CSMD1: variants seen among roughly 807,000 people sequenced by gnomAD.
The protein encoded by CSMD1 is CUB and sushi domain-containing protein 1.
CSMD1 carries 213 observed loss-of-function variants against 417.5 expected under a neutral mutation model. That is an observed-to-expected ratio of 0.51 (90% CI 0.46 to 0.57). CSMD1 has a LOEUF of 0.57. Ranked by LOEUF, CSMD1 falls within the 20% of genes least tolerant of loss-of-function variation. The pLI is 0.00. For synonymous variants in CSMD1, 2,862 were observed against 1,736.8 expected (o/e 1.65, Z -16.11); for missense variants, 6,923 against 4,529.7 (o/e 1.53, Z -15.17).
At chr8:3,597,091 G>A (rs1403384348) in intron 8 of CSMD1, among the ~76,000 whole-genome samples, 1 of 152,158 alleles carries the variant, frequency 6.6e-6, no homozygotes, top group Non-Finnish European at 1.5e-5. Context: ...CCAAACGCTG[G>A]CTGCACTGAG....
intron 6 of CSMD1, among the ~76,000 whole-genome samples, chr8:3,715,646 G>T (rs1333611314): frequency 6.6e-6 from 1 of 152,170 alleles, no homozygotes; most frequent in East Asian, 1.9e-4. Context: ...GGGTTCAAGT[G>T]ATTCTCCTGC....
At chr8:4,290,052 C>A (rs1382968070) in intron 3 of CSMD1, among the ~76,000 whole-genome samples, 2 of 152,170 alleles carry the variant, frequency 1.3e-5, no homozygotes, top group Admixed American at 6.5e-5. Context: ...CCAGAACCAA[C>A]AACTGCAAAT....
At chr8:3,718,713 A>T (rs1461225981) in intron 6 of CSMD1, among the ~76,000 whole-genome samples, 1 of 152,208 alleles carries the variant, frequency 6.6e-6, no homozygotes, top group East Asian at 1.9e-4. Flanking sequence ...AAGGGTAATT[A>T]GCATAAGATG....
At chr8:3,822,295 TA>T (rs1389786196) in intron 5 of CSMD1, among the ~76,000 whole-genome samples, 27 of 152,286 alleles carry the variant, frequency 1.8e-4, no homozygotes, top group African/African-American at 3.6e-4. Flanking sequence ...AGCTTGTGTC[TA>T]GGGGGAAGAA....
intron 3 of CSMD1, among the ~76,000 whole-genome samples, chr8:4,137,053 G>A (rs1221871970): frequency 6.6e-6 from 1 of 152,146 alleles, no homozygotes; most frequent in Non-Finnish European, 1.5e-5. Context: ...TGGCTTTTCG[G>A]GCTCTAACTT....
intron 41 of CSMD1, among the ~76,000 whole-genome samples, chr8:3,142,092 C>A (rs985608384): frequency 3.3e-5 from 5 of 152,120 alleles, no homozygotes; most frequent in Non-Finnish European, 5.9e-5. Context: ...CCACCGCGCC[C>A]GGCCGCCAAA....
intron 3 of CSMD1, among the ~76,000 whole-genome samples, chr8:4,283,780 G>T (rs1464523104): frequency 1.2e-4 from 5 of 41,478 alleles, no homozygotes; most frequent in Non-Finnish European, 2.3e-4. Flanking sequence ...TGAACCAAAA[G>T]GAGAATAAAA....
chr8:4,888,134 G>T (rs34207695), intron 1 of CSMD1, among the ~76,000 whole-genome samples: 1 of 151,684 alleles, frequency 6.6e-6, no homozygotes, highest in Non-Finnish European at 1.5e-5. Context: ...TAATCTAAAT[G>T]CCATATATAA....
At chr8:4,363,069 C>T (rs1801866995) in intron 3 of CSMD1, among the ~76,000 whole-genome samples, 1 of 152,124 alleles carries the variant, frequency 6.6e-6, no homozygotes, top group South Asian at 2.1e-4. Flanking sequence ...ATTTTCTCTT[C>T]AGAGCAGCCA....
In CSMD1 at chr8:3,453,924, C is replaced by T. The variant is rs575553280; in HGVS notation, c.1561+14788G>A. On this transcript the variant is annotated intron_variant, in intron 12 of 69. Transcript: ENST00000635120. ...GTTGACAGTAGGGTGTTAAAGTCTC[C>T]CATTATTATTGTGTGGGACTCTAAG... Among the ~76,000 whole-genome samples, 4 of 152,096 alleles carry T rather than the reference C, an allele frequency of 2.6e-5. No individual in the cohort carries two copies. In the East Asian group the frequency reaches 5.8e-4, roughly 22 times the overall value.
chr8:4,151,689 A>C (rs963679147), intron 3 of CSMD1, among the ~76,000 whole-genome samples: 5 of 152,316 alleles, frequency 3.3e-5, no homozygotes, highest in Admixed American at 6.5e-5. Flanking sequence ...AAAAAATCCA[A>C]CTGATTTCCT....
At chr8:3,215,922 A>G (rs555781272) in intron 29 of CSMD1, among the ~76,000 whole-genome samples, 53 of 151,402 alleles carry the variant, frequency 3.5e-4, no homozygotes, top group African/African-American at 1.3e-3. Flanking sequence ...TCAACCAAAC[A>G]GAGATGTCTT....
In CSMD1 at chr8:4,255,346, T is replaced by C. The variant is rs572510384; in HGVS notation, c.415+164607A>G. 2.0e-5 allele frequency among the ~76,000 whole-genome samples: 3 copies of C among 152,342 alleles called. No individual in the cohort carries two copies. The South Asian group carries it at 6.2e-4, about 32-fold the overall frequency. On this transcript the variant is annotated intron_variant, in intron 3 of 69. Transcript: ENST00000635120. ...GAGCTGTTAATATCTGCAGTCATTG[T>C]TCTTGAGCCCAGAGCCCAGAGAAAG...
intron 1 of CSMD1, among the ~76,000 whole-genome samples, chr8:4,820,558 GA>G (rs1197861709): frequency 6.6e-6 from 1 of 152,034 alleles, no homozygotes; most frequent in African/African-American, 2.4e-5. Context: ...TCCAAGTGAA[GA>G]AAAAAAGTGA....
intron 5 of CSMD1, among the ~76,000 whole-genome samples, chr8:3,775,862 G>C (rs556379137): frequency 2.0e-5 from 3 of 152,304 alleles, no homozygotes; most frequent in Non-Finnish European, 4.4e-5. Flanking sequence ...CCTAGGATGG[G>C]TCCTGAGACC....
chr8:3,482,731 G>C (rs547724935), intron 11 of CSMD1, among the ~76,000 whole-genome samples: 4 of 152,302 alleles, frequency 2.6e-5, no homozygotes, highest in South Asian at 4.1e-4. Context: ...CCCTGGGCCA[G>C]ATAATAGATC....
intron 5 of CSMD1, among the ~76,000 whole-genome samples, chr8:3,803,824 A>G (rs1800586694): frequency 6.6e-6 from 1 of 152,212 alleles, no homozygotes; most frequent in African/African-American, 2.4e-5. Flanking sequence ...GGACCACTGT[A>G]GACACCTTAA....
At chr8:4,747,941 T>G (rs1334201880) in intron 1 of CSMD1, among the ~76,000 whole-genome samples, 1 of 152,242 alleles carries the variant, frequency 6.6e-6, no homozygotes, top group Non-Finnish European at 1.5e-5. Context: ...TTGCAGAAAC[T>G]ACCATATGTT....
intron 10 of CSMD1, among the ~76,000 whole-genome samples, chr8:3,550,743 C>T (rs988440313): frequency 1.3e-5 from 2 of 152,324 alleles, no homozygotes; most frequent in African/African-American, 2.4e-5. Flanking sequence ...AAAGAAGCTT[C>T]ATGGCCAACC....
Sources: gnomAD v4.1 joint callset for allele counts (sites outside exome capture counted in the v4.1 genomes callset) on GRCh38, gnomAD v4.1.1 for gene constraint, MANE v1.5 for transcripts, NCBI Gene and HGNC (gene_info 2026-07-23, HGNC 2026-07-21) for gene names.